NPSR1: variants seen among roughly 807,000 people sequenced by gnomAD.
NPSR1 encodes the protein neuropeptide S receptor.
Under a neutral mutation model 46.9 loss-of-function variants are expected in NPSR1, and 48 were observed. That is an observed-to-expected ratio of 1.02 (90% CI 0.81 to 1.30). NPSR1 has a LOEUF of 1.30. Among genes scored for constraint, NPSR1 ranks in the 50% most tolerant of loss-of-function variants. The pLI is 0.00. For missense variants in NPSR1, 450 were observed against 449.5 expected (o/e 1.00, Z -0.01); for synonymous variants, 176 against 168.1 (o/e 1.05, Z -0.36).
chr7:34,733,687 T>C (rs1174309357), intron 2 of NPSR1, among the ~76,000 whole-genome samples: 1 of 152,206 alleles, frequency 6.6e-6, no homozygotes, highest in Non-Finnish European at 1.5e-5. Flanking sequence ...AATATTTTTG[T>C]GGAGGATCTT....
At chr7:34,841,727 C>A (rs1375076360) in intron 6 of NPSR1, among the ~76,000 whole-genome samples, 1 of 152,178 alleles carries the variant, frequency 6.6e-6, no homozygotes, top group Non-Finnish European at 1.5e-5. Flanking sequence ...ATTATACTGT[C>A]ACCCAGTTGC....
intron 8 of NPSR1, among the ~76,000 whole-genome samples, chr7:34,870,330 C>A (rs1313052204): frequency 1.3e-5 from 2 of 151,754 alleles, no homozygotes; most frequent in African/African-American, 4.9e-5. Context: ...GTTCCTGGAC[C>A]ACTCTAAAAT....
chr7:34,761,483 A>C (rs546623833), intron 2 of NPSR1, among the ~76,000 whole-genome samples: 24 of 152,304 alleles, frequency 1.6e-4, no homozygotes, highest in African/African-American at 5.3e-4. Flanking sequence ...TCTGAGCAGC[A>C]TATCTCTATG....
At chr7:34,838,527 T>C (rs1347211268) in intron 6 of NPSR1, among the ~76,000 whole-genome samples, 1 of 152,084 alleles carries the variant, frequency 6.6e-6, no homozygotes, top group Non-Finnish European at 1.5e-5. Context: ...GTAAATCGGA[T>C]CTCCAGCTGG....
chr7:34,658,350 C>T lies in NPSR1; in HGVS notation c.-63C>T, dbSNP rs754116145. The T allele has an allele frequency of 7.8e-5, 124 of 1,583,224 alleles. No individual in the cohort carries two copies. The highest frequency in any genetic ancestry group is 1.0e-4 in the Non-Finnish European group (119 of 1,160,464). On this transcript the variant is annotated 5_prime_UTR_variant, in exon 1 of 9. Transcript: ENST00000360581. ...CAGCTGCTGCCCAGCTCTCAGGAGG[C>T]AAGCTGGACTCCCTCACTCAGCTGC...
intron 7 of NPSR1, among the ~76,000 whole-genome samples, chr7:34,847,026 C>T (rs1790761681): frequency 6.6e-6 from 1 of 152,078 alleles, no homozygotes; most frequent in Non-Finnish European, 1.5e-5. Context: ...CCCTTAGTGC[C>T]CCAAATACTG....
At chr7:34,790,326 T>C (rs1221102898) in intron 3 of NPSR1, among the ~76,000 whole-genome samples, 1 of 152,060 alleles carries the variant, frequency 6.6e-6, no homozygotes, top group Non-Finnish European at 1.5e-5. Context: ...CAATATCTTT[T>C]TGTAGTAAAA....
At chr7:34,752,445 C>A (rs1785587059) in intron 2 of NPSR1, among the ~76,000 whole-genome samples, 1 of 152,118 alleles carries the variant, frequency 6.6e-6, no homozygotes. Flanking sequence ...GTTAAGAATT[C>A]CTTTGTTATT....
At chr7:34,853,282 G>A (rs1790976283), downstream of NPSR1, among the ~76,000 whole-genome samples, 1 of 152,178 alleles carries the variant, frequency 6.6e-6, no homozygotes, top group Admixed American at 6.5e-5. Flanking sequence ...AAGTGATTCT[G>A]CTCTTCTAGA....
chr7:34,776,702 T>A (rs1786974215), intron 2 of NPSR1, among the ~76,000 whole-genome samples: 2 of 152,126 alleles, frequency 1.3e-5, no homozygotes, highest in Admixed American at 1.3e-4. Context: ...AGTCTCAGAG[T>A]CTCATCCAAA....
At chr7:34,840,004 A>G (rs556676112) in intron 6 of NPSR1, among the ~76,000 whole-genome samples, 30 of 152,264 alleles carry the variant, frequency 2.0e-4, no homozygotes, top group African/African-American at 6.5e-4. Flanking sequence ...CTGTCTTTGC[A>G]TAATTATTTT....
chr7:34,788,359 A>C (rs1327287933), intron 3 of NPSR1, among the ~76,000 whole-genome samples: 1 of 152,080 alleles, frequency 6.6e-6, no homozygotes, highest in Non-Finnish European at 1.5e-5. Context: ...AGGAAAAAAA[A>C]CACACAAAGC....
chr7:34,829,217 C>T (rs1445808382), intron 5 of NPSR1, among the ~76,000 whole-genome samples: 2 of 152,216 alleles, frequency 1.3e-5, no homozygotes, highest in South Asian at 2.1e-4. Flanking sequence ...CCCGCCCCCT[C>T]ATCAGAGATT....
intron 3 of NPSR1, among the ~76,000 whole-genome samples, chr7:34,794,581 G>A (rs568657307): frequency 1.4e-4 from 21 of 151,998 alleles, no homozygotes; most frequent in African/African-American, 4.8e-4. Flanking sequence ...AAGCCCAGAT[G>A]GGTTCACTGG....
At chr7:34,668,622 G>A (rs1791878827) in intron 1 of NPSR1, among the ~76,000 whole-genome samples, 1 of 152,152 alleles carries the variant, frequency 6.6e-6, no homozygotes. Context: ...TTTAATGTTT[G>A]TTTCCTACTC....
intron 2 of NPSR1, among the ~76,000 whole-genome samples, chr7:34,710,332 G>T (rs1783211761): frequency 1.3e-5 from 2 of 152,228 alleles, no homozygotes; most frequent in Admixed American, 1.3e-4. Context: ...CTTTAGGGAA[G>T]AAAGCAGAGG....
intron 4 of NPSR1, among the ~76,000 whole-genome samples, chr7:34,825,986 T>G (rs1045473932): frequency 1.3e-5 from 2 of 152,014 alleles, no homozygotes; most frequent in Admixed American, 6.5e-5. Context: ...GAATTTGGGG[T>G]TTTTTTATTG....
chr7:34,768,634 A>G (rs1786537043), intron 2 of NPSR1, among the ~76,000 whole-genome samples: 1 of 152,228 alleles, frequency 6.6e-6, no homozygotes, highest in African/African-American at 2.4e-5. Flanking sequence ...ACAATATGTA[A>G]GAATTTGTAT....
chr7:34,814,017 A>T (rs2128751550), intron 4 of NPSR1, among the ~76,000 whole-genome samples: 1 of 152,326 alleles, frequency 6.6e-6, no homozygotes, highest in South Asian at 2.1e-4. Context: ...TGATTTCTGC[A>T]TTTCCAACTG....
Sources: gnomAD v4.1 joint callset for allele counts (sites outside exome capture counted in the v4.1 genomes callset) on GRCh38, gnomAD v4.1.1 for gene constraint, MANE v1.5 for transcripts, NCBI Gene and HGNC (gene_info 2026-07-23, HGNC 2026-07-21) for gene names.